Variants in SREBF2 observed in about 807,000 individuals in gnomAD.
The protein encoded by SREBF2 is sterol regulatory element-binding protein 2.
A neutral mutation model predicts 113.1 loss-of-function variants in SREBF2; 55 were observed. The observed-to-expected ratio is 0.49, with a 90% CI of 0.39 to 0.61. The LOEUF (loss-of-function observed/expected upper bound fraction) is 0.61. Among genes scored for constraint, SREBF2 ranks in the 20% least tolerant of loss-of-function variants. The pLI is 0.00. For synonymous variants in SREBF2, 593 were observed against 605.7 expected (o/e 0.98, Z 0.31); for missense variants, 1,349 against 1,487.4 (o/e 0.91, Z 1.53).
At chr22:41,889,876 C>A (rs2077340943) in intron 11 of SREBF2, among the ~76,000 whole-genome samples, 1 of 151,980 alleles carries the variant, frequency 6.6e-6, no homozygotes, top group Non-Finnish European at 1.5e-5. Context: ...TAGCACGCAC[C>A]TGTAATCCCA....
chr22:41,877,826 T>A (rs1472935411), intron 8 of SREBF2, 116 bp from the exon 9 acceptor site: 2 of 1,122,474 alleles, frequency 1.8e-6, no homozygotes, highest in African/African-American at 3.1e-5. Context: ...TTATTTGCCC[T>A]TTCTTCTGAA....
intron 17 of SREBF2, chr22:41,904,597 C>G: frequency 1.5e-6 from 1 of 650,860 alleles, no homozygotes; most frequent in Non-Finnish European, 2.9e-6. Flanking sequence ...CGAGGTGCGT[C>G]CAGGGCTTTC....
intron 1 of SREBF2, among the ~76,000 whole-genome samples, chr22:41,851,205 A>C (rs2076926998): frequency 6.6e-6 from 1 of 152,218 alleles, no homozygotes; most frequent in African/African-American, 2.4e-5. Context: ...TCTGTAAATA[A>C]AATATAAATA....
intron 1 of SREBF2, among the ~76,000 whole-genome samples, chr22:41,848,714 T>C (rs2076900912): frequency 6.6e-6 from 1 of 152,142 alleles, no homozygotes; most frequent in Non-Finnish European, 1.5e-5. Context: ...GTAAGGCTCC[T>C]ATCTCTGTCT....
In SREBF2 at chr22:41,897,074, T is replaced by A; in HGVS notation, c.2518T>A (p.Tyr840Asn). ...ESCEFSSALE[Y>N]LKLLHSFVDS... ...TAGTGAATTCTCCAGTGCTCTGGAG[T>A]ACTTGAAATTACTTCATTCTTTTGT... The change falls in exon 14 of 19, where the codon TAC (tyrosine) becomes AAC (asparagine). Residue 840 changes from tyrosine to asparagine, a missense_variant. Tyr to Asn is a moderately radical substitution (Grantham distance 143). Coordinates refer to ENST00000361204, the MANE Select transcript of SREBF2 (RefSeq NM_004599.4). 1 of 1,612,994 alleles carries A rather than the reference T, an allele frequency of 6.2e-7. No individual in the cohort carries two copies. Among genetic ancestry groups the A allele is most frequent in the Non-Finnish European group, 8.5e-7 (1 of 1,179,602 alleles).
At chr22:41,834,337 C>G (rs2076748404) in intron 1 of SREBF2, 1 of 89,134 alleles carries the variant, frequency 1.1e-5, no homozygotes, top group South Asian at 3.4e-4. Flanking sequence ...TATTATTTCA[C>G]TTCTTCCTCA....
chr22:41,864,325 T>A (rs28885520), intron 1 of SREBF2, among the ~76,000 whole-genome samples: 7,441 of 70,908 alleles, frequency 0.1, 822 homozygotes, highest in African/African-American at 0.34. Context: ...ATATATATAT[T>A]TTTTTTTTTT....
At chr22:41,878,178 G>A in intron 9 of SREBF2, 55 bp downstream of exon 9, 3 of 1,605,762 alleles carry the variant, frequency 1.9e-6, no homozygotes, top group Non-Finnish European at 2.5e-6. Context: ...AAATAATTCA[G>A]CAACTCGTGT....
chr22:41,903,369 C>T (rs1287514080), intron 17 of SREBF2, among the ~76,000 whole-genome samples: 1 of 152,250 alleles, frequency 6.6e-6, no homozygotes, highest in East Asian at 1.9e-4. Context: ...TGCTGTATGC[C>T]TGGCCCTGGA....
At chr22:41,894,728 A>T (rs2077396725) in intron 12 of SREBF2, 92 bp from the exon 13 acceptor site, 1 of 1,074,092 alleles carries the variant, frequency 9.3e-7, no homozygotes, top group Non-Finnish European at 1.5e-6. Flanking sequence ...CCCATTCACA[A>T]GGCATGGCTG....
At position 41,893,140 on chromosome 22, in the gene SREBF2, G is replaced by C; in HGVS notation, c.2232G>C (p.Gln744His). Residue 744 changes from glutamine to histidine, a missense_variant, in exon 12 of 19, where the codon CAG (glutamine) becomes CAC (histidine). Gln to His is a conservative substitution (Grantham distance 24, BLOSUM62 0). Around this residue, in one of 2 missense-constraint regions of SREBF2, gnomAD observed 650 missense variants for 644.1 expected, o/e 1.01. Coordinates refer to ENST00000361204, the MANE Select transcript of SREBF2 (RefSeq NM_004599.4). The part of the protein sequence containing the change: ...FLASYFLSRA[Q>H]SLCGPEHSAV... The stretch of plus-strand genomic sequence containing the variant: ...AGAGCTACTTCCTCAGCCGAGCCCA[G>C]AGCCTGTGTGGCCCCGAGCACAGTG... The C allele has an allele frequency of 1.2e-6, 2 of 1,613,990 alleles. No individual in the cohort carries two copies. The highest frequency in any genetic ancestry group is 1.7e-6 in the Non-Finnish European group (2 of 1,180,046).
intron 1 of SREBF2, among the ~76,000 whole-genome samples, chr22:41,837,858 CAAA>C (rs35054500): frequency 1.3e-4 from 13 of 102,942 alleles, no homozygotes; most frequent in Admixed American, 1.1e-4. Context: ...GACTCTGTCT[CAAA>C]AAAAAAAAAA....
intron 11 of SREBF2, among the ~76,000 whole-genome samples, chr22:41,892,665 A>G (rs1418351722): frequency 2.0e-5 from 3 of 151,798 alleles, no homozygotes; most frequent in Non-Finnish European, 4.4e-5. Context: ...AAAAAAAAAA[A>G]AAATGACATG....
At chr22:41,841,236 C>T (rs896085971) in intron 1 of SREBF2, among the ~76,000 whole-genome samples, 6 of 152,190 alleles carry the variant, frequency 3.9e-5, no homozygotes, top group African/African-American at 1.4e-4. Flanking sequence ...AAAAACTGCT[C>T]AGTGAGATGA....
chr22:41,858,375 A>C lies in SREBF2; in HGVS notation c.89-8456A>C, dbSNP rs896696462. On this transcript the variant is annotated intron_variant, in intron 1 of 18. Transcript: ENST00000361204. ...TACACAGAAGCCATGTAATTTCACTATACAATGTAAAAATGGTGTATAGTC... is the reference window on the plus strand; with the variant it reads ...TACACAGAAGCCATGTAATTTCACTCTACAATGTAAAAATGGTGTATAGTC... Among the ~76,000 whole-genome samples the C allele has an allele frequency of 4.6e-5, 7 of 152,340 alleles. No homozygotes were observed. The East Asian group carries it at 1.3e-3, about 29-fold the overall frequency.
At chr22:41,870,819 C>T (rs1602308867) in intron 3 of SREBF2, 70 bp from the exon 4 acceptor site, 1 of 1,555,708 alleles carries the variant, frequency 6.4e-7, no homozygotes, top group East Asian at 2.2e-5. Context: ...AAGGTCTATG[C>T]AGTAAGAAAG....
chr22:41,886,981 C>T (rs1036064727), intron 11 of SREBF2, among the ~76,000 whole-genome samples: 3 of 152,168 alleles, frequency 2.0e-5, no homozygotes, highest in Admixed American at 6.5e-5. Flanking sequence ...GTGCATTGAG[C>T]GGAGATCACG....
chr22:41,890,651 T>A (rs548332814), intron 11 of SREBF2, among the ~76,000 whole-genome samples: 1 of 151,276 alleles, frequency 6.6e-6, no homozygotes, highest in African/African-American at 2.5e-5. Context: ...GTCTATAAAA[T>A]TTAGGAAAAC....
intron 1 of SREBF2, among the ~76,000 whole-genome samples, chr22:41,836,287 G>A (rs1569451): frequency 0.73 from 111,666 of 152,174 alleles, 41,396 homozygotes; most frequent in Admixed American, 0.81. Flanking sequence ...GTAAGGAATC[G>A]TGAAAGATAG....
Sources: allele counts gnomAD v4.1 joint callset (sites outside exome capture counted in the v4.1 genomes callset), GRCh38; gene constraint gnomAD v4.1.1; regional missense constraint gnomAD v4.1.1; transcripts MANE v1.5; gene names NCBI Gene and HGNC (gene_info 2026-07-23, HGNC 2026-07-21).